Variants in SYN3 observed in about 807,000 individuals in gnomAD.
SYN3 encodes the protein synapsin III, also known as synapsin-3.
A neutral mutation model predicts 65.8 loss-of-function variants in SYN3; 35 were observed. The ratio of observed to expected loss-of-function variants is 0.53; its 90% CI spans 0.41 to 0.70. The LOEUF (loss-of-function observed/expected upper bound fraction) is 0.70, where lower values mean the gene tolerates loss of function less well. Among genes scored for constraint, SYN3 ranks in the 30% least tolerant of loss-of-function variants. The pLI is 0.00. For missense variants in SYN3, 680 were observed against 749.0 expected (o/e 0.91, Z 1.08); for synonymous variants, 270 against 292.9 (o/e 0.92, Z 0.80).
chr22:32,757,245 A>G (rs1265924861), intron 6 of SYN3, among the ~76,000 whole-genome samples: 1 of 150,784 alleles, frequency 6.6e-6, no homozygotes, highest in Non-Finnish European at 1.5e-5. Context: ...CAATGATTCT[A>G]TTAAACTGGA....
chr22:32,659,626 G>A (rs1332094772), intron 6 of SYN3, among the ~76,000 whole-genome samples: 1 of 152,202 alleles, frequency 6.6e-6, no homozygotes, highest in Non-Finnish European at 1.5e-5. Flanking sequence ...TAGGAGCACA[G>A]GATAGTATTA....
chr22:32,603,227 C>T (rs557486572), intron 6 of SYN3, among the ~76,000 whole-genome samples: 96 of 151,890 alleles, frequency 6.3e-4, no homozygotes, highest in Admixed American at 1.2e-3. Context: ...CAAAACACAG[C>T]GCTGGCCGGG....
intron 6 of SYN3, among the ~76,000 whole-genome samples, chr22:32,658,834 AC>A (rs1402876133): frequency 6.6e-6 from 1 of 152,178 alleles, no homozygotes; most frequent in African/African-American, 2.4e-5. Context: ...GGCACAGTGA[AC>A]ATGTGTGAAA....
rs1311859687 is a variant in SYN3, at chr22:32,837,053, C to T, written c.711+27862G>A. On this transcript the variant is annotated intron_variant, in intron 6 of 13. Coordinates refer to ENST00000358763, the MANE Select transcript of SYN3 (RefSeq NM_003490.4). This position sits in a 1 kb window ranked among gnomAD's most constrained non-coding sequence, Gnocchi z 4.1. The stretch of plus-strand genomic sequence containing the variant: ...CTTGCTCCTAGGCCTATCCCAGAGT[C>T]CCTCAGCTCTCCTAGCAAACAAAAT... Among the ~76,000 whole-genome samples, 1 of 152,154 alleles carries T rather than the reference C, an allele frequency of 6.6e-6. No individual in the cohort carries two copies. The highest frequency in any genetic ancestry group is 2.4e-5 in the African/African-American group (1 of 41,430).
Position 32,529,023 on chromosome 22 carries a change from G to A in SYN3, c.1096-15C>T, listed in dbSNP as rs746455105. 2 of 1,613,568 alleles carry A rather than the reference G, an allele frequency of 1.2e-6. No homozygotes were observed. The highest frequency in any genetic ancestry group is 2.2e-5 in the East Asian group (1 of 44,880). ...CTGTCCATTACCTGTGGGGAGGAAG[G>A]GAGAGCTGAGGGACCCCCATGCCAG... is the stretch of plus-strand genomic sequence containing the variant. On this transcript the variant is annotated splice_polypyrimidine_tract_variant and intron_variant, in intron 10 of 13. Coordinates refer to ENST00000358763, the MANE Select transcript of SYN3 (RefSeq NM_003490.4).
chr22:33,056,677 G>A lies in SYN3; in HGVS notation c.-163+1615C>T, dbSNP rs767231460. 1.0e-3 allele frequency among the ~76,000 whole-genome samples: 159 copies of A among 152,256 alleles called. 1 individual carries two copies. The highest frequency in any genetic ancestry group is 6.8e-3 in the Middle Eastern group (2 of 294). On this transcript the variant is annotated intron_variant, in intron 1 of 13. Coordinates refer to ENST00000358763, the MANE Select transcript of SYN3 (RefSeq NM_003490.4). ...TCAGAAGCGCCAAGTCTTTTTCCAG[G>A]GAACCCAAACCATGACAGGTGAGTA...
chr22:32,857,409 G>C, intron 6 of SYN3: 1 of 1,391,060 alleles, frequency 7.2e-7, no homozygotes, highest in Non-Finnish European at 1.0e-6. Flanking sequence ...AAGGTCCACT[G>C]TTTCTTGACT....
In SYN3 at chr22:32,797,839, C is replaced by T. The variant is rs562299095; in HGVS notation, c.711+67076G>A. ...CATTCACTTGTCCTACAGGATTCCC[C>T]ATGGAATCTTGGAGTTTTTGAGGCG... On this transcript the variant is annotated intron_variant, in intron 6 of 13. Coordinates refer to ENST00000358763, the MANE Select transcript of SYN3 (RefSeq NM_003490.4). 4.6e-5 allele frequency among the ~76,000 whole-genome samples: 7 copies of T among 152,328 alleles called. No individual in the cohort carries two copies. In the East Asian group the frequency reaches 9.7e-4, roughly 21 times the overall value.
chr22:32,571,123 T>A (rs1050056263), intron 7 of SYN3, among the ~76,000 whole-genome samples: 4 of 152,208 alleles, frequency 2.6e-5, no homozygotes, highest in Non-Finnish European at 5.9e-5. Context: ...TCTTTAGGGC[T>A]TTTGGTGCTA....
At chr22:32,580,898 G>A (rs1363597329) in intron 7 of SYN3, among the ~76,000 whole-genome samples, 1 of 152,162 alleles carries the variant, frequency 6.6e-6, no homozygotes, top group South Asian at 2.1e-4. Flanking sequence ...CTGGGAGCTT[G>A]TTAGAAATTC....
intron 7 of SYN3, among the ~76,000 whole-genome samples, chr22:32,588,698 C>G (rs1282182668): frequency 6.6e-6 from 1 of 152,170 alleles, no homozygotes; most frequent in Non-Finnish European, 1.5e-5. Context: ...GACACACAAA[C>G]AGTAAATAGT....
chr22:32,781,827 T>C (rs1400096944), intron 6 of SYN3, among the ~76,000 whole-genome samples: 2 of 152,072 alleles, frequency 1.3e-5, no homozygotes, highest in African/African-American at 2.4e-5. Context: ...GAGAATTGGA[T>C]TACTGAGTAG....
intron 1 of SYN3, among the ~76,000 whole-genome samples, chr22:33,044,846 T>C (rs1601955772): frequency 6.8e-6 from 1 of 146,128 alleles, no homozygotes. Flanking sequence ...TGATTCTTCT[T>C]TTTTTTTTTT....
chr22:32,889,542 T>G (rs2049385100), intron 4 of SYN3, among the ~76,000 whole-genome samples: 1 of 152,204 alleles, frequency 6.6e-6, no homozygotes, highest in Admixed American at 6.5e-5. Flanking sequence ...AACGCAGTAG[T>G]CCCAGGATGT....
At chr22:32,709,195 A>C (rs2060922160) in intron 6 of SYN3, among the ~76,000 whole-genome samples, 1 of 152,220 alleles carries the variant, frequency 6.6e-6, no homozygotes, top group Non-Finnish European at 1.5e-5. Flanking sequence ...TGAGACAGAC[A>C]ACAATTTTCT....
chr22:32,859,091 GC>G, intron 6 of SYN3: 1 of 1,319,120 alleles, frequency 7.6e-7, no homozygotes, highest in Non-Finnish European at 1.1e-6. Flanking sequence ...CCATGCAGTG[GC>G]CCCAGGGTCT....
intron 1 of SYN3, among the ~76,000 whole-genome samples, chr22:33,053,244 GA>G (rs1446029124): frequency 6.6e-6 from 1 of 152,138 alleles, no homozygotes; most frequent in Non-Finnish European, 1.5e-5. Flanking sequence ...CCAACATGGT[GA>G]AACCCCGTTT....
intron 6 of SYN3, among the ~76,000 whole-genome samples, chr22:32,757,481 G>T (rs921131257): frequency 6.6e-6 from 1 of 152,070 alleles, no homozygotes; most frequent in African/African-American, 2.4e-5. Context: ...ATTTTTAGCA[G>T]AGACGGGGTT....
At position 32,509,665 on chromosome 22, in the gene SYN3, T is replaced by C. The variant is rs1049716667; in HGVS notation, c.*4027A>G. ...CTCACTGCAAGCTCCGCCTCCCGGG[T>C]TCACGCCATTCTCCTGCCTCAGCCT... is the stretch of plus-strand genomic sequence containing the variant. On this transcript the variant is annotated 3_prime_UTR_variant, in exon 14 of 14. Transcript: ENST00000358763. 2.6e-5 allele frequency among the ~76,000 whole-genome samples: 4 copies of C among 151,810 alleles called. No homozygotes were observed. Among genetic ancestry groups the C allele is most frequent in the African/African-American group, 7.3e-5 (3 of 41,372 alleles).
Sources: gnomAD v4.1 joint callset for allele counts (sites outside exome capture counted in the v4.1 genomes callset) on GRCh38, gnomAD v4.1.1 for gene constraint, Gnocchi (gnomAD v3.1) non-coding constraint, MANE v1.5 for transcripts, NCBI Gene and HGNC (gene_info 2026-07-23, HGNC 2026-07-21) for gene names.